The following BMP6 variants were observed in gnomAD, a reference collection of about 807,000 sequenced individuals.
The protein encoded by BMP6 is VG-1-R.
In BMP6, 17 loss-of-function variants were observed where a neutral mutation model predicts 54.1. That is an observed-to-expected ratio of 0.31 (90% CI 0.22 to 0.47). The LOEUF is 0.47. Ranked by LOEUF, BMP6 falls within the 20% of genes least tolerant of loss-of-function variation. BMP6 has a pLI of 1.00. For synonymous variants in BMP6, 328 were observed against 291.2 expected (o/e 1.13, Z -1.28); for missense variants, 720 against 690.4 (o/e 1.04, Z -0.48).
At chr6:7,860,582 C>T (rs267206) in intron 2 of BMP6, among the ~76,000 whole-genome samples, 117,023 of 152,088 alleles carry the variant, frequency 0.77, 45,874 homozygotes, top group East Asian at 1. Context: ...AGTCAGTCTT[C>T]CCTGAAGGGC....
chr6:7,819,504 A>C (rs73719329), intron 1 of BMP6, among the ~76,000 whole-genome samples: 103 of 152,134 alleles, frequency 6.8e-4, no homozygotes, highest in African/African-American at 2.4e-3. Context: ...AACGGAGATA[A>C]ACAGGGAGAA....
At chr6:7,816,871 T>C (rs1758536407) in intron 1 of BMP6, among the ~76,000 whole-genome samples, 1 of 152,226 alleles carries the variant, frequency 6.6e-6, no homozygotes, top group Non-Finnish European at 1.5e-5. Flanking sequence ...GTTATTACTC[T>C]ACTGTTTTTC....
At chr6:7,835,847 CT>C (rs1312416163) in intron 1 of BMP6, among the ~76,000 whole-genome samples, 15 of 146,192 alleles carry the variant, frequency 1.0e-4, no homozygotes, top group Non-Finnish European at 2.1e-4. Flanking sequence ...TTTTTTTTTT[CT>C]TTTTTTGAGA....
At chr6:7,730,900 G>A (rs1308292296) in intron 1 of BMP6, among the ~76,000 whole-genome samples, 1 of 152,192 alleles carries the variant, frequency 6.6e-6, no homozygotes, top group Non-Finnish European at 1.5e-5. Context: ...AAGTACAAGG[G>A]AAAGTATTAC....
At chr6:7,739,137 A>G (rs1485696089) in intron 1 of BMP6, among the ~76,000 whole-genome samples, 1 of 152,156 alleles carries the variant, frequency 6.6e-6, no homozygotes, top group Non-Finnish European at 1.5e-5. Context: ...TTCTTTTCTA[A>G]TTTTGGAAGC....
At chr6:7,779,473 G>T (rs1757908546) in intron 1 of BMP6, among the ~76,000 whole-genome samples, 1 of 151,884 alleles carries the variant, frequency 6.6e-6, no homozygotes, top group Admixed American at 6.6e-5. Flanking sequence ...CGAGTAGCTG[G>T]GATTACAGGC....
chr6:7,746,355 T>G (rs756769998), intron 1 of BMP6, among the ~76,000 whole-genome samples: 2 of 152,192 alleles, frequency 1.3e-5, no homozygotes, highest in African/African-American at 2.4e-5. Context: ...ATGACTGATG[T>G]GTGCTTTGGG....
At chr6:7,743,612 G>A (rs567152820) in intron 1 of BMP6, among the ~76,000 whole-genome samples, 1 of 152,050 alleles carries the variant, frequency 6.6e-6, no homozygotes, top group African/African-American at 2.4e-5. Flanking sequence ...TGATGTTTTC[G>A]TGGCCCCTTG....
chr6:7,861,297 C>T (rs1008224078), intron 2 of BMP6, among the ~76,000 whole-genome samples, 154 bp from the exon 3 acceptor site: 7 of 152,096 alleles, frequency 4.6e-5, no homozygotes, highest in Admixed American at 1.3e-4. Flanking sequence ...GGTGGTACCA[C>T]GCCTTTCAGG....
At chr6:7,803,955 G>A (rs1457823506) in intron 1 of BMP6, among the ~76,000 whole-genome samples, 1 of 152,198 alleles carries the variant, frequency 6.6e-6, no homozygotes, top group East Asian at 1.9e-4. Context: ...CTTGAAATCA[G>A]ATCTCTGAGC....
chr6:7,764,631 G>A (rs1321447551), intron 1 of BMP6, among the ~76,000 whole-genome samples: 3 of 152,088 alleles, frequency 2.0e-5, no homozygotes, highest in Non-Finnish European at 4.4e-5. Flanking sequence ...TTGCCTCCCA[G>A]TCCCCAATTC....
Position 7,727,593 on chromosome 6 carries a change from A to C in BMP6, c.638A>C (p.Asp213Ala), listed in dbSNP as rs199583279. Residue 213 changes from aspartate to alanine, a missense_variant, in exon 1 of 7, where the codon GAC (aspartate) becomes GCC (alanine). Physicochemically the swap from Asp to Ala is moderately radical, Grantham distance 126. Coordinates refer to ENST00000283147, the MANE Select transcript of BMP6 (RefSeq NM_001718.6). The part of the protein sequence containing the change: ...AQDSAFLNDA[D>A]MVMSFVNLVE... Reference sequence around the variant, plus strand: ...GACAGCGCCTTCCTCAACGACGCGGACATGGTCATGAGCTTTGTGAACCTG... The same window carrying C: ...GACAGCGCCTTCCTCAACGACGCGGCCATGGTCATGAGCTTTGTGAACCTG... The C allele has an allele frequency of 1.3e-6, 2 of 1,577,584 alleles. No homozygotes were observed. Among genetic ancestry groups the C allele is most frequent in the East Asian group, 2.3e-5 (1 of 44,100 alleles).
At chr6:7,787,342 A>G (rs866152438) in intron 1 of BMP6, among the ~76,000 whole-genome samples, 4 of 152,296 alleles carry the variant, frequency 2.6e-5, no homozygotes, top group Middle Eastern at 3.4e-3. Context: ...AACAGTTATC[A>G]AGTATTTAGG....
Position 7,762,090 on chromosome 6 carries a change from T to G in BMP6, c.664+34471T>G, listed in dbSNP as rs138029346. Reference sequence around the variant, plus strand: ...GCGCCCGCCACCATGTCTGGCTAATTTTTGTATTTTTAGTAGAAATGGGGT... The same window carrying G: ...GCGCCCGCCACCATGTCTGGCTAATGTTTGTATTTTTAGTAGAAATGGGGT... On this transcript the variant is annotated intron_variant, in intron 1 of 6. Transcript: ENST00000283147. Among the ~76,000 whole-genome samples, 477 of 152,090 alleles carry G rather than the reference T, an allele frequency of 3.1e-3. 1 individual carries two copies. Among genetic ancestry groups the G allele is most frequent in the African/African-American group, 0.011 (455 of 41,478 alleles).
At chr6:7,741,740 G>A (rs908059331) in intron 1 of BMP6, among the ~76,000 whole-genome samples, 1 of 152,240 alleles carries the variant, frequency 6.6e-6, no homozygotes, top group Admixed American at 6.5e-5. Context: ...GCCTAGAGCA[G>A]CATTCTAATT....
At chr6:7,866,910 G>A (rs971938322) in intron 4 of BMP6, among the ~76,000 whole-genome samples, 2 of 152,134 alleles carry the variant, frequency 1.3e-5, no homozygotes, top group Admixed American at 6.5e-5. Flanking sequence ...CACTCTTGTT[G>A]GCCAGACTGG....
intron 2 of BMP6, among the ~76,000 whole-genome samples, chr6:7,850,550 C>A (rs961169565): frequency 6.6e-6 from 1 of 152,146 alleles, no homozygotes; most frequent in East Asian, 1.9e-4. Flanking sequence ...TGACAGAATT[C>A]ACAAAATCTT....
chr6:7,822,917 G>T (rs1301378851), intron 1 of BMP6, among the ~76,000 whole-genome samples: 1 of 113,624 alleles, frequency 8.8e-6, no homozygotes, highest in Non-Finnish European at 2.0e-5. Context: ...GTGTGTGTGT[G>T]TGTGTGTGTG....
chr6:7,815,461 T>G (rs181036555), intron 1 of BMP6, among the ~76,000 whole-genome samples: 1 of 152,220 alleles, frequency 6.6e-6, no homozygotes, highest in Non-Finnish European at 1.5e-5. Flanking sequence ...ATCAGATGTT[T>G]ATAAAAAGCT....
Sources: allele counts gnomAD v4.1 joint callset (sites outside exome capture counted in the v4.1 genomes callset), GRCh38; gene constraint gnomAD v4.1.1; transcripts MANE v1.5; gene names NCBI Gene and HGNC (gene_info 2026-07-23, HGNC 2026-07-21).